The following NMBR variants were observed in gnomAD, a reference collection of about 807,000 sequenced individuals.
NMBR encodes neuromedin-B receptor.
A neutral mutation model predicts 20.5 loss-of-function variants in NMBR; 16 were observed. The ratio of observed to expected loss-of-function variants is 0.78; its 90% CI spans 0.53 to 1.19. The LOEUF (loss-of-function observed/expected upper bound fraction) is 1.19, where lower values mean the gene tolerates loss of function less well. NMBR is among the 50% of genes most tolerant of loss of function. The probability of loss-of-function intolerance (pLI) is 0.00; values close to 1 mark genes in which losing one functional copy is unlikely to be tolerated. For missense variants in NMBR, 582 were observed against 499.1 expected, an observed-to-expected ratio of 1.17 and a Z score of -1.58; for synonymous variants, 212 against 196.6, an observed-to-expected ratio of 1.08 and a Z score of -0.65.
At chr6:142,124,192 A>G (rs1287430244) in intron 1 of NMBR, among the ~76,000 whole-genome samples, 2 of 151,910 alleles carry the variant, frequency 1.3e-5, no homozygotes, top group Non-Finnish European at 2.9e-5. Context: ...CAGAAACCCC[A>G]AGAAGATGAG....
chr6:142,133,781 G>A (rs1245727018), intron 1 of NMBR: 3 of 546,302 alleles, frequency 5.5e-6, no homozygotes, highest in African/African-American at 3.8e-5. Flanking sequence ...TGTGATATAA[G>A]GATTTTTTTA....
intron 1 of NMBR, among the ~76,000 whole-genome samples, chr6:142,137,718 T>C (rs537726054): frequency 1.3e-5 from 2 of 152,282 alleles, no homozygotes; most frequent in South Asian, 4.1e-4. Context: ...TTGTTGAATT[T>C]TGTCAAAGGC....
chr6:142,085,651 C>A (rs1292596311), intron 2 of NMBR, among the ~76,000 whole-genome samples: 1 of 152,174 alleles, frequency 6.6e-6, no homozygotes, highest in Non-Finnish European at 1.5e-5. Flanking sequence ...TTAGTCTCTG[C>A]AATCTAATGA....
intron 1 of NMBR, among the ~76,000 whole-genome samples, chr6:142,102,405 AAAAGTCTACTTGCTTT>A (rs1373068221): frequency 2.0e-5 from 3 of 151,744 alleles, no homozygotes; most frequent in Non-Finnish European, 1.5e-5. Context: ...AAAAAAAAAA[AAAAGTCTACTTGCTTT>A]AACAAAGCAG....
rs1562234797 is a variant in NMBR, at chr6:142,088,387, AG to A, written c.271del (p.Leu91CysfsTer28). The A allele has an allele frequency of 6.2e-7, 1 of 1,614,168 alleles. No individual in the cohort carries two copies. Among genetic ancestry groups the A allele is most frequent in the Admixed American group, 1.7e-5 (1 of 60,024 alleles). ...FISNLAAGDL[L>X]LLLTCVPVDA... Reference sequence around the variant, plus strand: ...CACCGGGACGCAGGTGAGCAGCAGCAGCAAGTCCCCGGCCGCCAGGTTAGAG... The same window carrying A: ...CACCGGGACGCAGGTGAGCAGCAGCACAAGTCCCCGGCCGCCAGGTTAGAG... On this transcript the variant is annotated frameshift_variant, in exon 2 of 4. Coordinates refer to ENST00000258042, the MANE Select transcript of NMBR (RefSeq NM_002511.4). LOFTEE classifies it high-confidence loss of function.
chr6:142,084,590 T>C (rs1777164926), intron 2 of NMBR, among the ~76,000 whole-genome samples: 1 of 152,222 alleles, frequency 6.6e-6, no homozygotes, highest in African/African-American at 2.4e-5. Context: ...TCTAGTTTTA[T>C]ATTTGTTAAT....
intron 1 of NMBR, among the ~76,000 whole-genome samples, chr6:142,126,538 C>A (rs1442673574): frequency 6.6e-6 from 1 of 151,872 alleles, no homozygotes; most frequent in African/African-American, 2.4e-5. Flanking sequence ...ACAGTGTGTA[C>A]AAGTGCTCCC....
chr6:142,109,862 C>A (rs1199072071), intron 1 of NMBR, among the ~76,000 whole-genome samples: 1 of 152,066 alleles, frequency 6.6e-6, no homozygotes, highest in Non-Finnish European at 1.5e-5. Flanking sequence ...TTTGCCCCTT[C>A]CCACATGTAA....
chr6:142,107,014 G>A (rs551287701), intron 1 of NMBR, among the ~76,000 whole-genome samples: 19 of 152,236 alleles, frequency 1.2e-4, no homozygotes, highest in South Asian at 2.1e-4. Context: ...GTGCATTTTA[G>A]GTTCATAAGT....
intron 1 of NMBR, among the ~76,000 whole-genome samples, chr6:142,116,085 A>G (rs373248729): frequency 6.6e-6 from 1 of 151,890 alleles, no homozygotes; most frequent in Non-Finnish European, 1.5e-5. Context: ...CGCCATCCCC[A>G]TAAGATGTGA....
intron 1 of NMBR, among the ~76,000 whole-genome samples, chr6:142,107,183 T>C (rs1329931956): frequency 6.6e-6 from 1 of 152,140 alleles, no homozygotes. Context: ...TTATAAACAC[T>C]ATCTAGGAGA....
At chr6:142,102,322 G>A (rs942128810) in intron 1 of NMBR, among the ~76,000 whole-genome samples, 6 of 151,384 alleles carry the variant, frequency 4.0e-5, no homozygotes, top group African/African-American at 2.4e-5. Flanking sequence ...CCCGGAAGGT[G>A]GAGCTTGCAA....
At position 142,088,950 on chromosome 6, in the gene NMBR, T is replaced by A; in HGVS notation, c.-292A>T. ...GGTTGCGTCTTTGTTCCGTATTCAG[T>A]GGTTTGTTCTCGCGGTTATCTAGCG... On this transcript the variant is annotated 5_prime_UTR_variant, in exon 2 of 4. Coordinates refer to ENST00000258042, the MANE Select transcript of NMBR (RefSeq NM_002511.4). Among the ~76,000 whole-genome samples the A allele has an allele frequency of 6.7e-6, 1 of 149,378 alleles. No homozygotes were observed. Among genetic ancestry groups the A allele is most frequent in the Non-Finnish European group, 1.5e-5 (1 of 67,560 alleles).
intron 1 of NMBR, among the ~76,000 whole-genome samples, chr6:142,108,075 C>G (rs1777690573): frequency 6.6e-6 from 1 of 151,916 alleles, no homozygotes; most frequent in African/African-American, 2.4e-5. Context: ...AACAGAGCCT[C>G]ATAGACATGT....
chr6:142,087,471 C>T (rs1433762132), intron 2 of NMBR, among the ~76,000 whole-genome samples: 2 of 152,122 alleles, frequency 1.3e-5, no homozygotes, highest in African/African-American at 2.4e-5. Context: ...CCCTGGTCTT[C>T]CATTAGAAAT....
intron 1 of NMBR, among the ~76,000 whole-genome samples, chr6:142,146,339 TA>T (rs1183937884): frequency 1.3e-5 from 2 of 152,178 alleles, no homozygotes; most frequent in Non-Finnish European, 2.9e-5. Flanking sequence ...CAGTGAAAAC[TA>T]GTTTTAAGAT....
intron 3 of NMBR, among the ~76,000 whole-genome samples, chr6:142,077,988 C>A (rs35782283): frequency 1.3e-5 from 2 of 151,934 alleles, no homozygotes; most frequent in Non-Finnish European, 2.9e-5. Flanking sequence ...GGGAAAGTTA[C>A]AAATTTGAGT....
rs144249038 is a variant in NMBR, at chr6:142,088,133, C to CT, written c.422+103dup. The CT allele has an allele frequency of 2.3e-3, 2,765 of 1,187,898 alleles. 49 individuals are homozygous for CT. In the African/African-American group the frequency reaches 0.036, roughly 15 times the overall value. The allele number at this position is 1,187,898 out of a possible 1,614,324, so 73.6% of individuals were successfully genotyped here. A position where few individuals can be genotyped will look rare whatever the true frequency, so the allele number is the denominator to read the frequency against. On this transcript the variant is annotated intron_variant, in intron 2 of 3. Transcript: ENST00000258042. ...CCCTCTCTTCCTCTCCACACCCAAC[C>CT]TTTCCTTGCGTCCTTCTGCCAGTAG...
At chr6:142,143,320 T>C (rs1778385475) in intron 1 of NMBR, among the ~76,000 whole-genome samples, 1 of 152,280 alleles carries the variant, frequency 6.6e-6, no homozygotes, top group Non-Finnish European at 1.5e-5. Context: ...AGTCTCGCTC[T>C]GTCGCCCAGG....
Sources: gnomAD v4.1 joint callset for allele counts (sites outside exome capture counted in the v4.1 genomes callset) on GRCh38, gnomAD v4.1.1 for gene constraint, MANE v1.5 for transcripts, NCBI Gene and HGNC (gene_info 2026-07-23, HGNC 2026-07-21) for gene names.